FLT3: variants seen among roughly 807,000 people sequenced by gnomAD.
The protein encoded by FLT3 is receptor-type tyrosine-protein kinase FLT3.
Under a neutral mutation model 126.6 loss-of-function variants are expected in FLT3, and 46 were observed. That is an observed-to-expected ratio of 0.36 (90% CI 0.29 to 0.46). The LOEUF is 0.46. Among genes scored for constraint, FLT3 ranks in the 20% least tolerant of loss-of-function variants. The probability of loss-of-function intolerance (pLI) is 1.00; values close to 1 mark genes in which losing one functional copy is unlikely to be tolerated. For synonymous variants in FLT3, 404 were observed against 434.4 expected (o/e 0.93, Z 0.87); for missense variants, 1,069 against 1,190.3 (o/e 0.90, Z 1.50).
chr13:28,070,484 A>T lies in FLT3; in HGVS notation c.165+7T>A, dbSNP rs779093897. The T allele has an allele frequency of 1.9e-6, 3 of 1,606,444 alleles. No individual in the cohort carries two copies. The highest frequency in any genetic ancestry group is 1.1e-5 in the South Asian group (1 of 90,078). On this transcript the variant is annotated splice_region_variant and intron_variant, in intron 2 of 23. Transcript: ENST00000241453. ...CAGCTAAAGGTATAATTTTAATGTT[A>T]CTTTACCATGGGATATGATGATGAC...
chr13:28,070,222 G>C lies in FLT3; in HGVS notation c.165+269C>G, dbSNP rs56245749. Among the ~76,000 whole-genome samples the C allele has an allele frequency of 0.17, 26,569 of 152,096 alleles. 2,382 individuals are homozygous for C. Among genetic ancestry groups the C allele is most frequent in the Middle Eastern group, 0.25 (73 of 294 alleles). ...TAGTGAGAGTCTTGGAACCATCCCC[G>C]CTGTATACCAAGGGACGACTCTACT... On this transcript the variant is annotated intron_variant, in intron 2 of 23. Coordinates refer to ENST00000241453, the MANE Select transcript of FLT3 (RefSeq NM_004119.3).
Position 28,036,137 on chromosome 13 carries a change from C to T in FLT3, c.1310-94G>A. Reference sequence around the variant, plus strand: ...CTTTGTGAAGCCAAGGTGGGAGGATCACTTGGGCCAAGGAGTTCAAGACCA... The same window carrying T: ...CTTTGTGAAGCCAAGGTGGGAGGATTACTTGGGCCAAGGAGTTCAAGACCA... On this transcript the variant is annotated intron_variant, in intron 10 of 23. Coordinates refer to ENST00000241453, the MANE Select transcript of FLT3 (RefSeq NM_004119.3). The T allele has an allele frequency of 2.9e-6, 3 of 1,027,626 alleles. No homozygotes were observed. In the Admixed American group the frequency reaches 5.2e-5, roughly 18 times the overall value. 63.7% of individuals were successfully genotyped at this position (1,027,626 alleles called of 1,614,324 possible).
chr13:28,047,508 C>T (rs1393976570), intron 9 of FLT3, among the ~76,000 whole-genome samples: 1 of 151,812 alleles, frequency 6.6e-6, no homozygotes, highest in East Asian at 1.9e-4. Flanking sequence ...CTCAAGAGTC[C>T]GAGACCAGCC....
intron 18 of FLT3, 28 bp downstream of exon 18, chr13:28,024,833 A>G (rs756030353): frequency 1.5e-6 from 2 of 1,364,772 alleles, no homozygotes; most frequent in South Asian, 1.3e-5. Context: ...TCCATTTTAA[A>G]GTGCTACTAC....
In FLT3 at chr13:28,100,469, G is replaced by A; in HGVS notation, c.42C>T (p.Leu14=). 3.3e-6 allele frequency: 4 copies of A among 1,217,830 alleles called. No homozygotes were observed. The Middle Eastern group carries it at 9.6e-4, about 292-fold the overall frequency. 75.4% of individuals were successfully genotyped at this position (1,217,830 alleles called of 1,614,324 possible). ...GCGAGCGAGCGAGCGGGGCCTTACC[G>A]AGCAGCGGCAGCTGGCCGCCGTCGC... ...LARDGGQLPL[L]VVFSAMIFGT... is the part of the protein sequence containing the mutation. Residue 14 remains leucine (L), a splice_region_variant and synonymous_variant, in exon 1 of 24, where the codon CTC becomes CTT. Transcript: ENST00000241453. The surrounding 1 kb of genome is among the most constrained non-coding windows in gnomAD (Gnocchi z 4.8).
intron 5 of FLT3, among the ~76,000 whole-genome samples, chr13:28,051,959 G>A (rs1875527866): frequency 6.6e-6 from 1 of 151,842 alleles, no homozygotes; most frequent in Non-Finnish European, 1.5e-5. Flanking sequence ...TTTTACTTGT[G>A]TAGCATGATG....
At chr13:28,019,355 A>G (rs963885467) in intron 19 of FLT3, among the ~76,000 whole-genome samples, 1 of 152,108 alleles carries the variant, frequency 6.6e-6, no homozygotes, top group Non-Finnish European at 1.5e-5. Flanking sequence ...GCTAAAAATG[A>G]GTTTGGAGAG....
rs1872880768 is a variant in FLT3, at chr13:28,027,121, A to C, written c.2174T>G (p.Phe725Cys). The C allele has an allele frequency of 6.2e-7, 1 of 1,613,804 alleles. No homozygotes were observed. Among genetic ancestry groups the C allele is most frequent in the Admixed American group, 1.7e-5 (1 of 59,966 alleles). The change falls in exon 17 of 24, where the codon TTT (phenylalanine) becomes TGT (cysteine). Residue 725 changes from phenylalanine to cysteine, a missense_variant. By Grantham distance (205) the Phe-to-Cys change is radical (BLOSUM62 -2). Transcript: ENST00000241453. ...TEIFKEHNFS[F>C]YPTFQSHPNS... ...TGGATGTGATTGGAAAGTGGGGTAAAAACTGAAATTGTGTTCCTTGAAAAT... is the reference window on the plus strand; with the variant it reads ...TGGATGTGATTGGAAAGTGGGGTAACAACTGAAATTGTGTTCCTTGAAAAT...
chr13:28,038,223 G>C (rs1874017493), intron 9 of FLT3, among the ~76,000 whole-genome samples: 1 of 152,148 alleles, frequency 6.6e-6, no homozygotes, highest in African/African-American at 2.4e-5. Context: ...CAGATAACCT[G>C]ATCTTGGGGA....
At chr13:28,044,604 T>G (rs1874694899) in intron 9 of FLT3, among the ~76,000 whole-genome samples, 1 of 152,244 alleles carries the variant, frequency 6.6e-6, no homozygotes, top group Non-Finnish European at 1.5e-5. Flanking sequence ...TGTTCGTTTC[T>G]TGTTCAGTAC....
intron 16 of FLT3, 21 bp downstream of exon 16, chr13:28,028,157 A>T: frequency 8.3e-7 from 1 of 1,199,908 alleles, no homozygotes; most frequent in Non-Finnish European, 1.2e-6. Context: ...TGATGAGGTG[A>T]TTTTCGTGGA....
At chr13:28,037,949 AC>A (rs1873995773) in intron 9 of FLT3, among the ~76,000 whole-genome samples, 1 of 152,004 alleles carries the variant, frequency 6.6e-6, no homozygotes, top group African/African-American at 2.4e-5. Flanking sequence ...TCATCCCGAA[AC>A]CATCCCCCTA....
intron 23 of FLT3, among the ~76,000 whole-genome samples, chr13:28,010,149 C>G (rs1255723223): frequency 6.6e-6 from 1 of 151,370 alleles, no homozygotes; most frequent in Non-Finnish European, 1.5e-5. Flanking sequence ...TGAGCGCCTT[C>G]CACGTGCTAA....
chr13:28,096,912 C>T (rs1220574342), intron 1 of FLT3, among the ~76,000 whole-genome samples: 1 of 152,134 alleles, frequency 6.6e-6, no homozygotes, highest in African/African-American at 2.4e-5. Context: ...AATCTTTGTA[C>T]TGCTTGTGCC....
In FLT3 at chr13:28,100,419, G is replaced by C. The variant is rs989842106; in HGVS notation, c.43+49C>G. The C allele has an allele frequency of 5.0e-6, 6 of 1,197,296 alleles. No homozygotes were observed. The South Asian group carries it at 1.3e-4, about 25-fold the overall frequency. 74.2% of individuals were successfully genotyped at this position (1,197,296 alleles called of 1,614,324 possible). Reference sequence around the variant, plus strand: ...CGCGCCCGGGTCCACACTGCGGGGTGGGGGCTGAGGGACCGCGAGGGGCTG... The same window carrying C: ...CGCGCCCGGGTCCACACTGCGGGGTCGGGGCTGAGGGACCGCGAGGGGCTG... On this transcript the variant is annotated intron_variant, in intron 1 of 23. Coordinates refer to ENST00000241453, the MANE Select transcript of FLT3 (RefSeq NM_004119.3). This position sits in a 1 kb window ranked among gnomAD's most constrained non-coding sequence, Gnocchi z 4.8.
intron 9 of FLT3, among the ~76,000 whole-genome samples, chr13:28,045,010 G>A (rs1460905887): frequency 6.6e-6 from 1 of 152,224 alleles, no homozygotes; most frequent in African/African-American, 2.4e-5. Flanking sequence ...ATACTTATCT[G>A]TTGCCAGATA....
At chr13:28,080,193 T>C (rs948665185) in intron 1 of FLT3, among the ~76,000 whole-genome samples, 6 of 152,106 alleles carry the variant, frequency 3.9e-5, no homozygotes, top group Non-Finnish European at 5.9e-5. Context: ...CTGGCCAAAA[T>C]GGTGAAACCC....
chr13:28,053,308 C>CT (rs60708568), intron 4 of FLT3, among the ~76,000 whole-genome samples: 27 of 143,948 alleles, frequency 1.9e-4, no homozygotes, highest in Admixed American at 4.9e-4. Flanking sequence ...TTCTGACAAA[C>CT]TTTTTTTTTT....
chr13:28,018,740 G>T, intron 19 of FLT3, 151 bp from the exon 20 acceptor site: 1 of 753,308 alleles, frequency 1.3e-6, no homozygotes, highest in Non-Finnish European at 2.1e-6. Context: ...ATGATGATGT[G>T]CAACAAACAA....
Sources: gnomAD v4.1 joint callset for allele counts (sites outside exome capture counted in the v4.1 genomes callset) on GRCh38, gnomAD v4.1.1 for gene constraint, Gnocchi (gnomAD v3.1) non-coding constraint, MANE v1.5 for transcripts, NCBI Gene and HGNC (gene_info 2026-07-23, HGNC 2026-07-21) for gene names.